The following LGALS9C variants were observed in gnomAD, a reference collection of about 807,000 sequenced individuals.
LGALS9C encodes the protein galectin-9C.
LGALS9C carries 7 observed loss-of-function variants against 41.3 expected under a neutral mutation model. The observed-to-expected ratio is 0.17, with a 90% CI of 0.10 to 0.32. LGALS9C has a LOEUF of 0.32. LGALS9C is among the 10% of genes least tolerant of loss of function. The probability of loss-of-function intolerance (pLI) is 1.00; values close to 1 mark genes in which losing one functional copy is unlikely to be tolerated. For synonymous variants in LGALS9C, 44 were observed against 171.0 expected, an observed-to-expected ratio of 0.26 and a Z score of 5.80; for missense variants, 102 against 455.2, an observed-to-expected ratio of 0.22 and a Z score of 7.06.
At chr17:18,487,071 A>AT (rs1307209258) in intron 3 of LGALS9C, 1 of 158,446 alleles carries the variant, frequency 6.3e-6, no homozygotes, top group African/African-American at 2.5e-5. Flanking sequence ...GCTCACCCTT[A>AT]TAATCCAAGC....
intron 10 of LGALS9C, among the ~76,000 whole-genome samples, chr17:18,493,225 G>A (rs1357001372): frequency 1.6e-5 from 2 of 121,674 alleles, no homozygotes; most frequent in East Asian, 3.9e-4. Context: ...CACATGCTGG[G>A]AGCGCAGTCA....
chr17:18,484,078 C>A (rs557504126), intron 2 of LGALS9C, 112 bp downstream of exon 2: 3 of 1,071,986 alleles, frequency 2.8e-6, no homozygotes, highest in South Asian at 2.8e-5. Context: ...ACGTGCCTGG[C>A]GCAGGGGAGA....
rs564547271 is a variant in LGALS9C at position 18,482,926 on chromosome 17, C to A, written c.40-949C>A. ...AGAGACCAAGGTGGGGGGTGGGTGA[C>A]AGTGGTGAAGCGTCTCCTCTGTGCC... On this transcript the variant is annotated intron_variant, in intron 1 of 10. Coordinates refer to ENST00000328114, the MANE Select transcript of LGALS9C (RefSeq NM_001040078.3). Among the ~76,000 whole-genome samples, 30 of 123,898 alleles carry A rather than the reference C, an allele frequency of 2.4e-4. 8 individuals are homozygous for A. Among genetic ancestry groups the A allele is most frequent in the Non-Finnish European group, 4.1e-4 (21 of 51,134 alleles). The allele number at this position is 123,898 out of a possible 152,430, so 81.3% of individuals were successfully genotyped here. A position where few individuals can be genotyped will look rare whatever the true frequency, so the allele number is the denominator to read the frequency against.
chr17:18,486,411 T>C (rs1598146636), intron 3 of LGALS9C: 3 of 313,118 alleles, frequency 9.6e-6, no homozygotes, highest in East Asian at 8.3e-5. Flanking sequence ...TTGTGTGTCT[T>C]TGAATTCCAA....
chr17:18,478,091 C>T lies in LGALS9C; in HGVS notation c.39+1198C>T, dbSNP rs578224543. On this transcript the variant is annotated intron_variant, in intron 1 of 10. Coordinates refer to ENST00000328114, the MANE Select transcript of LGALS9C (RefSeq NM_001040078.3). ...TGGCTGTCACCAATGACCCCTCAGCCACCCTATGGAAGCCCCCAAGGTAGA... is the reference window on the plus strand; with the variant it reads ...TGGCTGTCACCAATGACCCCTCAGCTACCCTATGGAAGCCCCCAAGGTAGA... Among the ~76,000 whole-genome samples the T allele has an allele frequency of 1.4e-3, 173 of 127,594 alleles. 1 individual carries two copies. The highest frequency in any genetic ancestry group is 4.1e-3 in the African/African-American group (161 of 39,392). The allele number at this position is 127,594 out of a possible 152,430, so 83.7% of individuals were successfully genotyped here.
intron 9 of LGALS9C, 67 bp from the exon 10 acceptor site, chr17:18,492,630 G>C (rs1809521): frequency 0.071 from 92,626 of 1,297,612 alleles, 10,537 homozygotes; most frequent in African/African-American, 0.31. Context: ...GGCAGGCTGG[G>C]GATGATGGGG....
chr17:18,488,255 C>A (rs1428009964), intron 4 of LGALS9C, among the ~76,000 whole-genome samples: 2 of 122,894 alleles, frequency 1.6e-5, no homozygotes, highest in Admixed American at 7.9e-5. Flanking sequence ...ACAATGGCGC[C>A]CCTGGGCCCA....
At position 18,487,778 on chromosome 17, in the gene LGALS9C, C is replaced by T; in HGVS notation, c.444+21C>T. 3 of 1,578,264 alleles carry T rather than the reference C, an allele frequency of 1.9e-6. 1 individual carries two copies. Among genetic ancestry groups the T allele is most frequent in the Non-Finnish European group, 2.6e-6 (3 of 1,152,150 alleles). On this transcript the variant is annotated intron_variant, in intron 4 of 10. Transcript: ENST00000328114. ...TCCAGGTCAGACTGTCCACCTGGCA[C>T]CGGTCCCAGGGGCTGGGATGCAGGG...
Position 18,476,944 on chromosome 17 carries a change from T to C in LGALS9C, c.39+51T>C, listed in dbSNP as rs1307290082. On this transcript the variant is annotated intron_variant, in intron 1 of 10. Transcript: ENST00000328114. Reference sequence around the variant, plus strand: ...GGCTGCCTCAGCCAGGGGGACACAGTTCTGGGGCTCTGAGGAAGCAACTCC... The same window carrying C: ...GGCTGCCTCAGCCAGGGGGACACAGCTCTGGGGCTCTGAGGAAGCAACTCC... The C allele has an allele frequency of 3.4e-6, 5 of 1,491,036 alleles. No individual in the cohort carries two copies. The African/African-American group carries it at 5.4e-5, about 16-fold the overall frequency. 92.4% of individuals were successfully genotyped at this position (1,491,036 alleles called of 1,614,324 possible).
chr17:18,487,849 T>C, intron 4 of LGALS9C, 92 bp downstream of exon 4: 3 of 1,554,194 alleles, frequency 1.9e-6, no homozygotes, highest in Non-Finnish European at 2.6e-6. Flanking sequence ...CCCAAGCCAA[T>C]CTCCTACCCA....
intron 1 of LGALS9C, among the ~76,000 whole-genome samples, chr17:18,481,819 C>T (rs1288053776): frequency 7.3e-6 from 1 of 137,408 alleles, no homozygotes; most frequent in African/African-American, 2.5e-5. Context: ...ATGGGTTTCC[C>T]AGGGTGCTGT....
chr17:18,492,741 T>G lies in LGALS9C; in HGVS notation c.806T>G (p.Met269Arg), dbSNP rs764063721. 119 of 1,501,942 alleles carry G rather than the reference T, an allele frequency of 7.9e-5. 7 individuals are homozygous for G. Among genetic ancestry groups the G allele is most frequent in the Non-Finnish European group, 1.0e-4 (110 of 1,088,506 alleles). The allele number at this position is 1,501,942 out of a possible 1,614,324, so 93.0% of individuals were successfully genotyped here. The stretch of plus-strand genomic sequence containing the variant: ...TCTGGGAGCCACATCGCCTTCCACA[T>G]GAACCCCCGTTTTGATGAGAATGCT... The part of the protein sequence containing the change: ...LCSGSHIAFH[M>R]NPRFDENAVV... The change falls in exon 10 of 11, where the codon ATG (methionine) becomes AGG (arginine). Residue 269 changes from methionine to arginine, a missense_variant. By Grantham distance (91) the Met-to-Arg change is moderately conservative (BLOSUM62 -1). Transcript: ENST00000328114.
chr17:18,488,640 T>C (rs1989689125), intron 4 of LGALS9C, among the ~76,000 whole-genome samples: 1 of 121,648 alleles, frequency 8.2e-6, no homozygotes, highest in Non-Finnish European at 2.0e-5. Context: ...ATGAGCGAAG[T>C]GCACAGTAGG....
intron 2 of LGALS9C, 103 bp downstream of exon 2, chr17:18,484,069 C>G (rs1989496914): frequency 8.6e-7 from 1 of 1,160,468 alleles, no homozygotes; most frequent in African/African-American, 1.5e-5. Context: ...TCCAAGCTCA[C>G]GTGCCTGGCG....
At chr17:18,493,824 T>G (rs1989905952) in intron 10 of LGALS9C, among the ~76,000 whole-genome samples, 1 of 145,178 alleles carries the variant, frequency 6.9e-6, no homozygotes, top group African/African-American at 2.4e-5. Context: ...GGCATGTGTG[T>G]TAGGAGTGTC....
Position 18,494,597 on chromosome 17 carries a change from T to C in LGALS9C, c.*230T>C, listed in dbSNP as rs1598155443. On this transcript the variant is annotated 3_prime_UTR_variant, in exon 11 of 11. Transcript: ENST00000328114. ...CAGCAGCACCTGGGGCGCCAGCTGC[T>C]GGAATCCTACAATCCCAGAAGGCGG... The C allele has an allele frequency of 1.5e-6, 1 of 680,908 alleles. No individual in the cohort carries two copies. Among genetic ancestry groups the C allele is most frequent in the Non-Finnish European group, 2.5e-6 (1 of 406,508 alleles). The allele number at this position is 680,908 out of a possible 1,614,324, so 42.2% of individuals were successfully genotyped here.
intron 1 of LGALS9C, among the ~76,000 whole-genome samples, chr17:18,478,006 C>G (rs1989267776): frequency 8.0e-6 from 1 of 124,694 alleles, no homozygotes; most frequent in South Asian, 2.5e-4. Context: ...GTCTGCAGAG[C>G]TCAGCTCTGC....
At chr17:18,487,624 A>C in intron 3 of LGALS9C, 23 bp from the exon 4 acceptor site, 1 of 1,421,448 alleles carries the variant, frequency 7.0e-7, no homozygotes, top group Non-Finnish European at 9.6e-7. Flanking sequence ...ACCTCCCCCG[A>C]AATACGTGCT....
rs1477291692 is a variant in LGALS9C, at chr17:18,480,326, C to A, written c.39+3433C>A. ...GATCCTCCTGCTCCCTTTTATGGGACCTTTGTGATTACATTGGGACCACCT... is the reference window on the plus strand; with the variant it reads ...GATCCTCCTGCTCCCTTTTATGGGAACTTTGTGATTACATTGGGACCACCT... On this transcript the variant is annotated intron_variant, in intron 1 of 10. Coordinates refer to ENST00000328114, the MANE Select transcript of LGALS9C (RefSeq NM_001040078.3). Among the ~76,000 whole-genome samples, 27 of 124,744 alleles carry A rather than the reference C, an allele frequency of 2.2e-4. 2 individuals are homozygous for A. The highest frequency in any genetic ancestry group is 6.4e-4 in the African/African-American group (24 of 37,520). The allele number at this position is 124,744 out of a possible 152,430, so 81.8% of individuals were successfully genotyped here.
Sources: gnomAD v4.1 joint callset for allele counts (sites outside exome capture counted in the v4.1 genomes callset) on GRCh38, gnomAD v4.1.1 for gene constraint, MANE v1.5 for transcripts, NCBI Gene and HGNC (gene_info 2026-07-23, HGNC 2026-07-21) for gene names.